Variants in EOGT observed in about 807,000 individuals in gnomAD.
EOGT encodes the protein EGF domain specific O-linked N-acetylglucosamine transferase.
EOGT carries 55 observed loss-of-function variants against 70.5 expected under a neutral mutation model. That is an observed-to-expected ratio of 0.78 (90% CI 0.63 to 0.98). The LOEUF is 0.98. Among genes scored for constraint, EOGT ranks in the 50% least tolerant of loss-of-function variants. EOGT has a pLI of 0.00. For synonymous variants in EOGT, 246 were observed against 217.1 expected (o/e 1.13, Z -1.17); for missense variants, 703 against 641.9 (o/e 1.10, Z -1.03).
intron 13 of EOGT, 186 bp from the exon 14 acceptor site, chr3:68,987,699 C>T (rs996552158): frequency 3.7e-5 from 22 of 592,782 alleles, no homozygotes; most frequent in South Asian, 4.3e-5. Context: ...CTTCAACCAC[C>T]GAAGGCAAAA....
In EOGT at chr3:68,976,434, G is replaced by A. The variant is rs910065806; in HGVS notation, c.*1184C>T. 1 of 152,214 alleles carries A rather than the reference G, an allele frequency of 6.6e-6. No homozygotes were observed. The highest frequency in any genetic ancestry group is 1.5e-5 in the Non-Finnish European group (1 of 68,048). The allele number at this position is 152,214 out of a possible 1,614,324, so 9.4% of individuals were successfully genotyped here. A position where few individuals can be genotyped will look rare whatever the true frequency, so the allele number is the denominator to read the frequency against. ...TCAGTGGAAACCAGACAGAAGGTATGCAAGACAGTCCTACAGAATGTTCTA... is the reference window on the plus strand; with the variant it reads ...TCAGTGGAAACCAGACAGAAGGTATACAAGACAGTCCTACAGAATGTTCTA... On this transcript the variant is annotated 3_prime_UTR_variant, in exon 18 of 18. Transcript: ENST00000383701.
intron 11 of EOGT, 27 bp from the exon 12 acceptor site, chr3:68,988,604 G>A: frequency 7.1e-7 from 1 of 1,411,616 alleles, no homozygotes; most frequent in Non-Finnish European, 9.5e-7. Context: ...ATTAAAAGAA[G>A]ATGTAATTTG....
intron 15 of EOGT, among the ~76,000 whole-genome samples, chr3:68,980,765 G>A (rs573988756): frequency 1.3e-5 from 2 of 152,298 alleles, no homozygotes; most frequent in East Asian, 3.9e-4. Flanking sequence ...AGGGAAGGAC[G>A]GCCATTCACC....
intron 14 of EOGT, among the ~76,000 whole-genome samples, chr3:68,984,380 T>C (rs1164546425): frequency 6.6e-6 from 1 of 152,220 alleles, no homozygotes; most frequent in Non-Finnish European, 1.5e-5. Context: ...TTTAACAAGA[T>C]TGCCCACATA....
chr3:68,979,901 C>T lies in EOGT; in HGVS notation c.1215-114G>A, dbSNP rs1010342121. 9.1e-6 allele frequency: 9 copies of T among 990,412 alleles called. No homozygotes were observed. In the African/African-American group the frequency reaches 1.0e-4, roughly 11 times the overall value. 61.4% of individuals were successfully genotyped at this position (990,412 alleles called of 1,614,324 possible). ...ATAAAAGTGTATTGCCCATTTTAAA[C>T]CACATTCCATTTTTAAGAAGCATTT... On this transcript the variant is annotated intron_variant, in intron 15 of 17. Coordinates refer to ENST00000383701, the MANE Select transcript of EOGT (RefSeq NM_001278689.2).
intron 10 of EOGT, among the ~76,000 whole-genome samples, chr3:68,996,020 TGAG>T (rs2091137984): frequency 1.3e-5 from 2 of 152,186 alleles, no homozygotes; most frequent in African/African-American, 4.8e-5. Context: ...AAAACAACCC[TGAG>T]TTAATAATTT....
intron 14 of EOGT, among the ~76,000 whole-genome samples, chr3:68,985,875 T>A (rs1288012508): frequency 1.3e-5 from 2 of 152,228 alleles, no homozygotes; most frequent in Non-Finnish European, 2.9e-5. Flanking sequence ...GACGTGGGTC[T>A]CACTGGACTA....
intron 10 of EOGT, 40 bp from the exon 11 acceptor site, chr3:68,989,057 G>T: frequency 8.3e-7 from 1 of 1,198,084 alleles, no homozygotes; most frequent in East Asian, 2.6e-5. Context: ...GGCAATAAAA[G>T]GATATAACAT....
chr3:68,987,373 G>GAA (rs11331317), intron 14 of EOGT, 72 bp downstream of exon 14: 2,062 of 985,350 alleles, frequency 2.1e-3, no homozygotes, highest in Non-Finnish European at 2.5e-3. Context: ...AACGTAATGT[G>GAA]AAAAAAAAAA....
chr3:68,995,441 C>T (rs1404308731), intron 10 of EOGT, among the ~76,000 whole-genome samples: 2 of 152,116 alleles, frequency 1.3e-5, no homozygotes, highest in Non-Finnish European at 2.9e-5. Context: ...AGGCGGCCAC[C>T]CTGCTGGGCT....
At chr3:68,990,513 C>T (rs56139155) in intron 10 of EOGT, among the ~76,000 whole-genome samples, 3,848 of 152,122 alleles carry the variant, frequency 0.025, 94 homozygotes, top group Middle Eastern at 0.041. Context: ...CCACCACACC[C>T]GGCTAATTTT....
Position 68,975,579 on chromosome 3 carries a change from C to G in EOGT, c.*2039G>C, listed in dbSNP as rs897590927. ...TTCAGAAGTCAATGCCTTGCTGATG[C>G]AAAGCGCAACATGCTTTTGTCATCC... On this transcript the variant is annotated 3_prime_UTR_variant, in exon 18 of 18. Transcript: ENST00000383701. The G allele has an allele frequency of 3.3e-5, 5 of 152,528 alleles. No homozygotes were observed. The highest frequency in any genetic ancestry group is 1.2e-4 in the African/African-American group (5 of 41,420). 9.4% of individuals were successfully genotyped at this position (152,528 alleles called of 1,614,324 possible).
intron 14 of EOGT, among the ~76,000 whole-genome samples, chr3:68,983,890 G>C (rs921401151): frequency 1.3e-5 from 2 of 152,212 alleles, no homozygotes; most frequent in Admixed American, 6.5e-5. Context: ...TTGAACCCGA[G>C]AGATGGAGGC....
chr3:68,986,090 T>C (rs2090798317), intron 14 of EOGT, among the ~76,000 whole-genome samples: 2 of 152,168 alleles, frequency 1.3e-5, no homozygotes. Flanking sequence ...TTATGAACTC[T>C]GATTTGATCA....
intron 3 of EOGT, among the ~76,000 whole-genome samples, chr3:69,011,363 G>A (rs1466942020): frequency 6.6e-6 from 1 of 151,534 alleles, no homozygotes; most frequent in East Asian, 1.9e-4. Flanking sequence ...ACAGACTGCA[G>A]GCCTGTAATA....
chr3:69,003,089 G>A (rs908401863), intron 8 of EOGT, among the ~76,000 whole-genome samples: 1 of 151,892 alleles, frequency 6.6e-6, no homozygotes, highest in Non-Finnish European at 1.5e-5. Context: ...TGTGGTGGTC[G>A]CCCTCCCCGT....
At chr3:68,997,710 G>A (rs2091189416) in intron 10 of EOGT, among the ~76,000 whole-genome samples, 1 of 152,094 alleles carries the variant, frequency 6.6e-6, no homozygotes, top group Non-Finnish European at 1.5e-5. Flanking sequence ...GGAACACTAA[G>A]CCAAAGTCAC....
Position 68,977,394 on chromosome 3 carries a change from A to G in EOGT, c.*224T>C. ...TCCATGCTTAATTTTTGAACTATAA[A>G]AAGTTTTCAGTGCAAAATTATTGCT... On this transcript the variant is annotated 3_prime_UTR_variant, in exon 18 of 18. Coordinates refer to ENST00000383701, the MANE Select transcript of EOGT (RefSeq NM_001278689.2). 2.1e-6 allele frequency: 1 copy of G among 469,836 alleles called. No homozygotes were observed. The highest frequency in any genetic ancestry group is 3.7e-6 in the Non-Finnish European group (1 of 271,058). 29.1% of individuals were successfully genotyped at this position (469,836 alleles called of 1,614,324 possible). A position where few individuals can be genotyped will look rare whatever the true frequency, so the allele number is the denominator to read the frequency against.
intron 10 of EOGT, among the ~76,000 whole-genome samples, chr3:68,993,603 A>G (rs1481471050): frequency 3.3e-5 from 5 of 152,096 alleles, no homozygotes; most frequent in African/African-American, 1.2e-4. Context: ...GCTGCTTGCT[A>G]CCCAGTTCCA....
Sources: gnomAD v4.1 joint callset for allele counts (sites outside exome capture counted in the v4.1 genomes callset) on GRCh38, gnomAD v4.1.1 for gene constraint, MANE v1.5 for transcripts, NCBI Gene and HGNC (gene_info 2026-07-23, HGNC 2026-07-21) for gene names.